Variants in TMEM242 observed in about 807,000 individuals in gnomAD.
The protein encoded by TMEM242 is transmembrane protein 242.
Under a neutral mutation model 18.2 loss-of-function variants are expected in TMEM242, and 10 were observed. That is an observed-to-expected ratio of 0.55 (90% CI 0.34 to 0.93). The LOEUF is 0.93. TMEM242 is among the 40% of genes least tolerant of loss of function. The probability of loss-of-function intolerance (pLI) is 0.02; values close to 1 mark genes in which losing one functional copy is unlikely to be tolerated. For synonymous variants in TMEM242, 57 were observed against 69.9 expected, an observed-to-expected ratio of 0.81 and a Z score of 0.92; for missense variants, 186 against 175.5, an observed-to-expected ratio of 1.06 and a Z score of -0.34.
rs587714911 is a variant in TMEM242 at position 157,320,892 on chromosome 6, T to C, written c.189+1813A>G. Among the ~76,000 whole-genome samples the C allele has an allele frequency of 2.0e-5, 3 of 152,286 alleles. No individual in the cohort carries two copies. The East Asian group carries it at 5.8e-4, about 29-fold the overall frequency. The stretch of plus-strand genomic sequence containing the variant: ...ATTCTTTCAAGTAAAAATGATATTC[T>C]ATAGGAAAAAAGTGGCTAGTTCAGC... On this transcript the variant is annotated intron_variant, in intron 2 of 3. Coordinates refer to ENST00000400788, the MANE Select transcript of TMEM242 (RefSeq NM_018452.6).
intron 3 of TMEM242, among the ~76,000 whole-genome samples, chr6:157,302,744 T>G (rs1410906617): frequency 1.3e-5 from 2 of 152,222 alleles, no homozygotes; most frequent in African/African-American, 4.8e-5. Context: ...CCTAGGTGGC[T>G]CATTATTCCT....
chr6:157,311,888 CAGTGTG>C (rs1778134037), intron 3 of TMEM242, among the ~76,000 whole-genome samples: 7 of 82,956 alleles, frequency 8.4e-5, no homozygotes, highest in South Asian at 4.3e-4. Flanking sequence ...CATAGTGTTC[CAGTGTG>C]CGCTCACCTA....
intron 3 of TMEM242, among the ~76,000 whole-genome samples, chr6:157,316,706 C>T (rs1200263909): frequency 6.6e-6 from 1 of 151,940 alleles, no homozygotes; most frequent in Non-Finnish European, 1.5e-5. Context: ...GAGACCTCAT[C>T]TCTACAAAAA....
chr6:157,302,654 T>C (rs1442647976), intron 3 of TMEM242, among the ~76,000 whole-genome samples: 1 of 152,232 alleles, frequency 6.6e-6, no homozygotes, highest in Non-Finnish European at 1.5e-5. Context: ...GAGATGTATG[T>C]GACCTCCAGA....
At chr6:157,304,489 A>AAAAAGAGAGAG (rs1777880768) in intron 3 of TMEM242, among the ~76,000 whole-genome samples, 1 of 47,458 alleles carries the variant, frequency 2.1e-5, no homozygotes, top group African/African-American at 1.2e-4. Flanking sequence ...AAAAAAAAAA[A>AAAAAGAGAGAG]AAGAGAGAGA....
intron 3 of TMEM242, among the ~76,000 whole-genome samples, chr6:157,294,548 C>T: frequency 6.6e-6 from 1 of 151,744 alleles, no homozygotes; most frequent in Admixed American, 6.6e-5. Context: ...GACGGGGTTT[C>T]ACCGTTTTAG....
Position 157,289,589 on chromosome 6 carries a change from T to G in TMEM242, c.*3312A>C, listed in dbSNP as rs587695205. ...AAAAATGAGATGAAAATATATAACC[T>G]TCCCCATAAACCAAGATTTAATCTT... On this transcript the variant is annotated 3_prime_UTR_variant, in exon 4 of 4. Coordinates refer to ENST00000400788, the MANE Select transcript of TMEM242 (RefSeq NM_018452.6). 10 of 152,308 alleles carry G rather than the reference T, an allele frequency of 6.6e-5. No homozygotes were observed. Among genetic ancestry groups the G allele is most frequent in the African/African-American group, 2.4e-4 (10 of 41,564 alleles). 9.4% of individuals were successfully genotyped at this position (152,308 alleles called of 1,614,324 possible).
At chr6:157,302,977 G>C (rs1448783338) in intron 3 of TMEM242, among the ~76,000 whole-genome samples, 2 of 152,066 alleles carry the variant, frequency 1.3e-5, no homozygotes, top group Non-Finnish European at 2.9e-5. Context: ...TTTCCTCTCC[G>C]GGAGTCCAGT....
chr6:157,322,958 A>G (rs1335163699), intron 1 of TMEM242, among the ~76,000 whole-genome samples, 153 bp from the exon 2 acceptor site: 1 of 152,228 alleles, frequency 6.6e-6, no homozygotes, highest in Non-Finnish European at 1.5e-5. Context: ...AGCTCTTGCT[A>G]ACAGTAAATG....
chr6:157,322,123 G>A (rs782174979), intron 2 of TMEM242, among the ~76,000 whole-genome samples: 1 of 152,152 alleles, frequency 6.6e-6, no homozygotes, highest in Non-Finnish European at 1.5e-5. Context: ...ACAGTTATTT[G>A]TGTGAATATT....
intron 2 of TMEM242, 42 bp downstream of exon 2, chr6:157,322,663 T>C (rs1554250805): frequency 6.4e-7 from 1 of 1,550,454 alleles, no homozygotes; most frequent in Non-Finnish European, 8.8e-7. Flanking sequence ...CCATATATTG[T>C]AAACAATAAC....
chr6:157,323,261 TG>T, intron 1 of TMEM242, 150 bp downstream of exon 1: 1 of 856,738 alleles, frequency 1.2e-6, no homozygotes, highest in Non-Finnish European at 1.8e-6. Flanking sequence ...CTACCCTCCC[TG>T]GGCCGCCAGA....
chr6:157,313,781 G>C (rs1340268640), intron 3 of TMEM242, among the ~76,000 whole-genome samples: 1 of 122,642 alleles, frequency 8.2e-6, no homozygotes, highest in South Asian at 2.8e-4. Context: ...TAATCATAGT[G>C]TCCCAGTGTG....
intron 3 of TMEM242, among the ~76,000 whole-genome samples, chr6:157,302,155 G>A (rs1474524402): frequency 6.6e-6 from 1 of 152,098 alleles, no homozygotes; most frequent in Non-Finnish European, 1.5e-5. Context: ...TAGCACTGGT[G>A]GTCAGATTTT....
At chr6:157,320,290 G>C (rs782519497) in intron 2 of TMEM242, among the ~76,000 whole-genome samples, 5 of 151,794 alleles carry the variant, frequency 3.3e-5, no homozygotes, top group Admixed American at 6.6e-5. Context: ...CAATTAAGTG[G>C]GTTGTATTTA....
intron 3 of TMEM242, among the ~76,000 whole-genome samples, chr6:157,314,955 G>A (rs1554250195): frequency 6.6e-6 from 1 of 152,144 alleles, no homozygotes; most frequent in African/African-American, 2.4e-5. Context: ...TATTGGAACT[G>A]GGTTTCTATC....
Position 157,318,859 on chromosome 6 carries a change from C to A in TMEM242, c.250G>T (p.Gly84Cys). 6.2e-7 allele frequency: 1 copy of A among 1,613,042 alleles called. No homozygotes were observed. Residue 84 changes from glycine (G) to cysteine (C), a missense_variant, in exon 3 of 4, where the codon GGC (glycine) becomes TGC (cysteine). Gly to Cys is a radical substitution (Grantham distance 159, BLOSUM62 -3). Coordinates refer to ENST00000400788, the MANE Select transcript of TMEM242 (RefSeq NM_018452.6). The part of the protein sequence containing the change: ...SGSSLALRAL[G>C]WGSLYAWCGV... ...CACCATGCATACAGGGAGCCCCAGCCCAGAGCTCGCAAGGCAAGGGAAGAC... is the reference window on the plus strand; with the variant it reads ...CACCATGCATACAGGGAGCCCCAGCACAGAGCTCGCAAGGCAAGGGAAGAC...
intron 3 of TMEM242, among the ~76,000 whole-genome samples, chr6:157,313,779 G>C (rs1399034356): frequency 7.4e-6 from 1 of 135,942 alleles, no homozygotes; most frequent in Non-Finnish European, 1.6e-5. Flanking sequence ...CCTAATCATA[G>C]TGTCCCAGTG....
In TMEM242 at chr6:157,323,496, C is replaced by G. The variant is rs1397723981; in HGVS notation, c.4G>C (p.Glu2Gln). The change falls in exon 1 of 4, where the codon GAG becomes CAG. Residue 2 changes from glutamate (E) to glutamine (Q), a missense_variant. Glu to Gln is a conservative substitution (Grantham distance 29). Transcript: ENST00000400788. ...TGCCCAGTTGCAGCGCCCGCTGTCT[C>G]CATGTTTAGGTCGCCTCTAGTGCGT... Reference protein sequence around the residue: METAGAATGQPA... With the variant: MQTAGAATGQPA... 2.5e-6 allele frequency: 4 copies of G among 1,613,644 alleles called. No homozygotes were observed. The African/African-American group carries it at 5.3e-5, about 22-fold the overall frequency.
Sources: allele counts gnomAD v4.1 joint callset (sites outside exome capture counted in the v4.1 genomes callset), GRCh38; gene constraint gnomAD v4.1.1; transcripts MANE v1.5; gene names NCBI Gene and HGNC (gene_info 2026-07-23, HGNC 2026-07-21).